The following ACOT13 variants were observed in gnomAD, a reference collection of about 807,000 sequenced individuals.
The protein encoded by ACOT13 is acyl-coenzyme A thioesterase 13.
A neutral mutation model predicts 11.8 loss-of-function variants in ACOT13; 10 were observed. The ratio of observed to expected loss-of-function variants is 0.85; its 90% CI spans 0.53 to 1.44. The LOEUF (loss-of-function observed/expected upper bound fraction) is 1.44, where lower values mean the gene tolerates loss of function less well. ACOT13 is among the 40% of genes most tolerant of loss of function. The pLI is 0.00. For synonymous variants in ACOT13, 53 were observed against 61.0 expected (o/e 0.87, Z 0.61); for missense variants, 172 against 174.1 (o/e 0.99, Z 0.07).
At chr6:24,684,549 A>ACCAGAAACACAGAGTTTC (rs60466800) in intron 1 of ACOT13, among the ~76,000 whole-genome samples, 5 of 151,622 alleles carry the variant, frequency 3.3e-5, no homozygotes, top group Non-Finnish European at 5.9e-5. Context: ...TGCCCGTTGA[A>ACCAGAAACACAGAGTTTC]CCAGAAGTTG....
chr6:24,701,965 G>A lies in ACOT13; in HGVS notation c.*350G>A, dbSNP rs1213094679. 4 of 165,704 alleles carry A rather than the reference G, an allele frequency of 2.4e-5. No homozygotes were observed. The highest frequency in any genetic ancestry group is 9.5e-5 in the African/African-American group (4 of 41,898). 10.3% of individuals were successfully genotyped at this position (165,704 alleles called of 1,614,324 possible). On this transcript the variant is annotated 3_prime_UTR_variant, in exon 3 of 3. Coordinates refer to ENST00000230048, the MANE Select transcript of ACOT13 (RefSeq NM_018473.4). ...AAATTAATGGTTCTAATTCTGTTTG[G>A]GCTGCTAGGAACAACAGAAATTTTT... is the stretch of plus-strand genomic sequence containing the variant.
chr6:24,687,537 A>G (rs926529), intron 1 of ACOT13: 987,861 of 1,391,454 alleles, frequency 0.71, 353,681 homozygotes, highest in African/African-American at 0.91. Context: ...GTGTAAAGTC[A>G]TCTTTATGGA....
At chr6:24,689,003 G>T (rs192365935) in intron 1 of ACOT13, among the ~76,000 whole-genome samples, 14 of 152,210 alleles carry the variant, frequency 9.2e-5, no homozygotes, top group African/African-American at 3.1e-4. Flanking sequence ...TGTGAGTCTG[G>T]CTAATGCAAA....
chr6:24,672,626 C>T (rs187346404), intron 1 of ACOT13, among the ~76,000 whole-genome samples: 144 of 152,120 alleles, frequency 9.5e-4, no homozygotes, highest in African/African-American at 9.9e-4. Flanking sequence ...GGTGACAGGG[C>T]GAGACTCCAT....
In ACOT13 at chr6:24,667,149, G is replaced by A; in HGVS notation, c.-115G>A. On this transcript the variant is annotated 5_prime_UTR_variant, in exon 1 of 3. Transcript: ENST00000230048. ...GGCCTCTTGCGCTCCTAGGGGCGGAGAAGGGTGCGGGCTCTTCGCCCTTTG... is the reference window on the plus strand; with the variant it reads ...GGCCTCTTGCGCTCCTAGGGGCGGAAAAGGGTGCGGGCTCTTCGCCCTTTG... 3 of 1,129,402 alleles carry A rather than the reference G, an allele frequency of 2.7e-6. No homozygotes were observed. Among genetic ancestry groups the A allele is most frequent in the Admixed American group, 4.6e-5 (2 of 43,868 alleles). The allele number at this position is 1,129,402 out of a possible 1,614,324, so 70.0% of individuals were successfully genotyped here.
At chr6:24,673,807 G>A (rs1255536116) in intron 1 of ACOT13, among the ~76,000 whole-genome samples, 3 of 152,098 alleles carry the variant, frequency 2.0e-5, no homozygotes, top group Non-Finnish European at 4.4e-5. Flanking sequence ...TTGTAAACAT[G>A]ATCATATACA....
At chr6:24,685,202 A>G (rs1562159160) in intron 1 of ACOT13, among the ~76,000 whole-genome samples, 1 of 152,052 alleles carries the variant, frequency 6.6e-6, no homozygotes, top group African/African-American at 2.4e-5. Flanking sequence ...TGTATTTGCT[A>G]ATTTGATCTA....
intron 2 of ACOT13, among the ~76,000 whole-genome samples, chr6:24,699,386 A>AT (rs1315229565): frequency 6.6e-6 from 1 of 151,660 alleles, no homozygotes; most frequent in Non-Finnish European, 1.5e-5. Context: ...ATTTGTTTGT[A>AT]TTTTTAGTAG....
chr6:24,680,103 G>A (rs1778522364), intron 1 of ACOT13, among the ~76,000 whole-genome samples: 1 of 152,162 alleles, frequency 6.6e-6, no homozygotes, highest in South Asian at 2.1e-4. Context: ...GGCAGACTCT[G>A]AGGGCTTCCT....
chr6:24,686,694 C>CTTCTT (rs746965547), intron 1 of ACOT13, among the ~76,000 whole-genome samples: 8 of 143,932 alleles, frequency 5.6e-5, no homozygotes, highest in East Asian at 4.0e-4. Context: ...CTCTTCTCTT[C>CTTCTT]TTCTTTTCTT....
intron 1 of ACOT13, among the ~76,000 whole-genome samples, chr6:24,690,735 T>C (rs1230952086): frequency 6.6e-6 from 1 of 152,234 alleles, no homozygotes; most frequent in Non-Finnish European, 1.5e-5. Context: ...TGGCATTAGT[T>C]TGCCAACTCT....
At chr6:24,693,441 G>A (rs1057485092) in intron 1 of ACOT13, among the ~76,000 whole-genome samples, 4 of 152,174 alleles carry the variant, frequency 2.6e-5, no homozygotes, top group African/African-American at 7.2e-5. Flanking sequence ...GATGGCAGTG[G>A]CTTGTTTATC....
At chr6:24,667,370 G>A in intron 1 of ACOT13, 26 bp downstream of exon 1, 1 of 1,602,996 alleles carries the variant, frequency 6.2e-7, no homozygotes, top group Non-Finnish European at 8.5e-7. Context: ...GGGAGAAGCC[G>A]TGGCTTCTAA....
At chr6:24,680,511 A>T (rs56392833) in intron 1 of ACOT13, among the ~76,000 whole-genome samples, 8 of 152,154 alleles carry the variant, frequency 5.3e-5, no homozygotes, top group African/African-American at 1.9e-4. Context: ...CCTAATGCTT[A>T]TTCTTTTCCA....
rs1031097943 is a variant in ACOT13, at chr6:24,702,959, T to G, written c.*1344T>G. The G allele has an allele frequency of 1.3e-5, 2 of 152,244 alleles. No individual in the cohort carries two copies. Among genetic ancestry groups the G allele is most frequent in the Non-Finnish European group, 2.9e-5 (2 of 68,042 alleles). 9.4% of individuals were successfully genotyped at this position (152,244 alleles called of 1,614,324 possible). A position where few individuals can be genotyped will look rare whatever the true frequency, so the allele number is the denominator to read the frequency against. On this transcript the variant is annotated 3_prime_UTR_variant, in exon 3 of 3. Transcript: ENST00000230048. Reference sequence around the variant, plus strand: ...CAGGCTGGAGTGATACAATCACAGCTTCCCATAGCCTCAAAATCCCAGGCT... The same window carrying G: ...CAGGCTGGAGTGATACAATCACAGCGTCCCATAGCCTCAAAATCCCAGGCT...
intron 1 of ACOT13, among the ~76,000 whole-genome samples, chr6:24,677,740 G>A (rs73392549): frequency 0.16 from 24,468 of 152,186 alleles, 2,113 homozygotes; most frequent in South Asian, 0.27. Flanking sequence ...TCCTTAGTGT[G>A]TATAATGGCC....
intron 1 of ACOT13, 108 bp downstream of exon 1, chr6:24,667,452 C>G: frequency 2.1e-6 from 2 of 975,494 alleles, no homozygotes; most frequent in African/African-American, 1.6e-5. Flanking sequence ...AGGTTGTGTT[C>G]TAGTACGCCT....
intron 1 of ACOT13, among the ~76,000 whole-genome samples, chr6:24,691,426 T>C (rs1455613878): frequency 6.6e-6 from 1 of 152,104 alleles, no homozygotes; most frequent in African/African-American, 2.4e-5. Context: ...AATCAAACAC[T>C]AAACAAAATA....
Position 24,701,509 on chromosome 6 carries a change from T to A in ACOT13, c.317T>A (p.Val106Asp), listed in dbSNP as rs1344668205. 1.9e-6 allele frequency: 3 copies of A among 1,613,826 alleles called. No individual in the cohort carries two copies. The highest frequency in any genetic ancestry group is 2.5e-6 in the Non-Finnish European group (3 of 1,179,890). Residue 106 changes from valine (V) to aspartate (D), a missense_variant, in exon 3 of 3, where the codon GTT (valine) becomes GAT (aspartate). Transcript: ENST00000230048. The stretch of plus-strand genomic sequence containing the variant: ...GAAGATATAGTGATTACAGCACATG[T>A]TCTGAAGCAAGGAAAAACACTTGCA... The part of the protein sequence containing the change: ...LGEDIVITAH[V>D]LKQGKTLAFT...
Sources: gnomAD v4.1 joint callset for allele counts (sites outside exome capture counted in the v4.1 genomes callset) on GRCh38, gnomAD v4.1.1 for gene constraint, MANE v1.5 for transcripts, NCBI Gene and HGNC (gene_info 2026-07-23, HGNC 2026-07-21) for gene names.